The following DGKE variants were observed in gnomAD, a reference collection of about 807,000 sequenced individuals.
DGKE encodes DAG kinase epsilon.
A neutral mutation model predicts 70.0 loss-of-function variants in DGKE; 53 were observed. The observed-to-expected ratio is 0.76, with a 90% CI of 0.61 to 0.95. The LOEUF (loss-of-function observed/expected upper bound fraction) is 0.95, where lower values mean the gene tolerates loss of function less well. Ranked by LOEUF, DGKE falls within the 40% of genes least tolerant of loss-of-function variation. DGKE has a pLI of 0.00. For missense variants in DGKE, 655 were observed against 706.9 expected (o/e 0.93, Z 0.83); for synonymous variants, 291 against 257.0 (o/e 1.13, Z -1.27).
intron 2 of DGKE, among the ~76,000 whole-genome samples, chr17:56,837,033 A>G (rs949656308): frequency 1.3e-5 from 2 of 151,974 alleles, no homozygotes; most frequent in African/African-American, 4.8e-5. Flanking sequence ...GTAATATCCT[A>G]TATCTCAGTG....
intron 2 of DGKE, among the ~76,000 whole-genome samples, chr17:56,837,509 A>T (rs1906705360): frequency 6.6e-6 from 1 of 152,222 alleles, no homozygotes; most frequent in African/African-American, 2.4e-5. Context: ...GGAGATGTTT[A>T]TTATTCCCAA....
At chr17:56,849,377 G>C in intron 7 of DGKE, 145 bp downstream of exon 7, 1 of 663,152 alleles carries the variant, frequency 1.5e-6, no homozygotes, top group East Asian at 2.7e-5. Context: ...TACCTCACAA[G>C]CTGGACTGTA....
chr17:56,835,260 G>T lies in DGKE; in HGVS notation c.464+1G>T. On this transcript the variant is annotated splice_donor_variant, in intron 2 of 11. Transcript: ENST00000284061. LOFTEE classifies it high-confidence loss of function. The stretch of plus-strand genomic sequence containing the variant: ...GTCAACCCAAGCTTTGCGATTACAG[G>T]TATGGTCTTCGTGGACACTCACTGT... 1 of 1,605,326 alleles carries T rather than the reference G, an allele frequency of 6.2e-7. No individual in the cohort carries two copies. Among genetic ancestry groups the T allele is most frequent in the Non-Finnish European group, 8.5e-7 (1 of 1,176,904 alleles).
chr17:56,834,703 G>GC lies in DGKE; in HGVS notation c.-18-71dup, dbSNP rs1906452347. On this transcript the variant is annotated intron_variant, in intron 1 of 11. Coordinates refer to ENST00000284061, the MANE Select transcript of DGKE (RefSeq NM_003647.3). ...ACCTTCACTGAGGGCGCCCGGTTTG[G>GC]CCCCGGAAAGGCAGGAAGGGGGCGG... is the stretch of plus-strand genomic sequence containing the variant. 6 of 1,403,974 alleles carry GC rather than the reference G, an allele frequency of 4.3e-6. No individual in the cohort carries two copies. The East Asian group carries it at 1.4e-4, about 32-fold the overall frequency. The allele number at this position is 1,403,974 out of a possible 1,614,324, so 87.0% of individuals were successfully genotyped here.
intron 4 of DGKE, 153 bp downstream of exon 4, chr17:56,845,962 C>T: frequency 1.4e-6 from 1 of 712,966 alleles, no homozygotes. Context: ...AACAGGCACT[C>T]TTGTGGGAAT....
intron 9 of DGKE, among the ~76,000 whole-genome samples, chr17:56,858,920 A>T (rs1402100102): frequency 6.6e-6 from 1 of 152,136 alleles, no homozygotes; most frequent in Non-Finnish European, 1.5e-5. Context: ...AATTTGCCCA[A>T]ATTCTCTCAT....
chr17:56,848,140 TTTG>T (rs1907422006), intron 5 of DGKE, 75 bp downstream of exon 5: 1 of 741,604 alleles, frequency 1.3e-6, no homozygotes, highest in East Asian at 6.7e-5. Context: ...ATATATGGGT[TTTG>T]TTGTTGTTTT....
rs2144318582 is a variant in DGKE at position 56,867,859 on chromosome 17, C to G, written c.*5068C>G. ...GCAGGGAGGCGGAGCTTGCAGCGAGCCGAGATAGTGCCACTGCAGTGGGGC... is the reference window on the plus strand; with the variant it reads ...GCAGGGAGGCGGAGCTTGCAGCGAGGCGAGATAGTGCCACTGCAGTGGGGC... On this transcript the variant is annotated 3_prime_UTR_variant, in exon 12 of 12. Transcript: ENST00000284061. The G allele has an allele frequency of 6.6e-6, 1 of 151,936 alleles. No individual in the cohort carries two copies. The highest frequency in any genetic ancestry group is 1.9e-4 in the East Asian group (1 of 5,156). 9.4% of individuals were successfully genotyped at this position (151,936 alleles called of 1,614,324 possible).
In DGKE at chr17:56,834,916, AGCCTCCAGCGGTCGC is replaced by A; in HGVS notation, c.125_139del (p.Leu42_Arg46del). On this transcript the variant is annotated inframe_deletion, in exon 2 of 12. Transcript: ENST00000284061. ...GCCGGTGTTCATCACCTTCTGGTGT[AGCCTCCAGCGGTCGC>A]GCCGGCAGCTGCACCGCAGGGACAT... 1 of 1,613,628 alleles carries A rather than the reference AGCCTCCAGCGGTCGC, an allele frequency of 6.2e-7. No homozygotes were observed. Among genetic ancestry groups the A allele is most frequent in the South Asian group, 1.1e-5 (1 of 91,068 alleles).
intron 9 of DGKE, among the ~76,000 whole-genome samples, chr17:56,859,889 T>G (rs2144290516): frequency 1.3e-5 from 2 of 152,300 alleles, no homozygotes; most frequent in Middle Eastern, 6.8e-3. Context: ...AGGAGACTGA[T>G]TATACATTAG....
At position 56,862,071 on chromosome 17, in the gene DGKE, A is replaced by C. The variant is rs988887115; in HGVS notation, c.1413-69A>C. The C allele has an allele frequency of 1.9e-6, 3 of 1,574,852 alleles. No homozygotes were observed. In the African/African-American group the frequency reaches 4.1e-5, roughly 21 times the overall value. Reference sequence around the variant, plus strand: ...AGTTGATGGTCCAACTGTGTTAAAAAGTAATTGCTCTAGCATAACTGATTT... The same window carrying C: ...AGTTGATGGTCCAACTGTGTTAAAACGTAATTGCTCTAGCATAACTGATTT... On this transcript the variant is annotated intron_variant, in intron 10 of 11. Transcript: ENST00000284061.
intron 8 of DGKE, 25 bp downstream of exon 8, chr17:56,856,650 CT>C (rs552241624): frequency 6.3e-7 from 1 of 1,599,940 alleles, no homozygotes; most frequent in Non-Finnish European, 8.5e-7. Flanking sequence ...ATAACATTTC[CT>C]GCTTATCACC....
intron 5 of DGKE, 88 bp downstream of exon 5, chr17:56,848,153 T>C: frequency 2.5e-6 from 2 of 813,972 alleles, no homozygotes; most frequent in African/African-American, 1.8e-5. Flanking sequence ...GTTGTTGTTT[T>C]GTTGTTGTTG....
chr17:56,837,549 A>G (rs1312941413), intron 2 of DGKE, among the ~76,000 whole-genome samples: 1 of 152,242 alleles, frequency 6.6e-6, no homozygotes, highest in Non-Finnish European at 1.5e-5. Flanking sequence ...CTGAAGTTGT[A>G]CATATTCTAC....
chr17:56,847,903 CT>C lies in DGKE; in HGVS notation c.745-14del. ...AAAATGTTGGATAAAAATAATTTGT[CT>C]TTTTCTTTTGTTTCTAGGTTTTTGA... On this transcript the variant is annotated intron_variant, in intron 4 of 11. Transcript: ENST00000284061. The C allele has an allele frequency of 6.6e-7, 1 of 1,521,940 alleles. No individual in the cohort carries two copies. The highest frequency in any genetic ancestry group is 1.3e-5 in the South Asian group (1 of 77,178). 94.3% of individuals were successfully genotyped at this position (1,521,940 alleles called of 1,614,324 possible).
At chr17:56,848,461 T>C (rs1907445582) in intron 5 of DGKE, among the ~76,000 whole-genome samples, 1 of 152,172 alleles carries the variant, frequency 6.6e-6, no homozygotes, top group African/African-American at 2.4e-5. Flanking sequence ...CCCAACCTAA[T>C]ATAGAATATT....
chr17:56,844,044 C>A lies in DGKE; in HGVS notation c.490C>A (p.His164Asn), dbSNP rs1434704796. ...YRCIWCQKTV[H>N]DECMKNSLKN... ...GTGCATTTGGTGCCAGAAAACAGTA[C>A]ATGATGAGTGCATGAAAAATAGTTT... is the stretch of plus-strand genomic sequence containing the variant. Residue 164 changes from histidine (H) to asparagine (N), a missense_variant, in exon 3 of 12, where the codon CAT becomes AAT. His to Asn is a moderately conservative substitution (Grantham distance 68). Coordinates refer to ENST00000284061, the MANE Select transcript of DGKE (RefSeq NM_003647.3). 6.4e-7 allele frequency: 1 copy of A among 1,566,024 alleles called. No individual in the cohort carries two copies. Among genetic ancestry groups the A allele is most frequent in the South Asian group, 1.2e-5 (1 of 82,482 alleles).
intron 2 of DGKE, among the ~76,000 whole-genome samples, chr17:56,842,433 C>A (rs1907047038): frequency 6.6e-6 from 1 of 152,144 alleles, no homozygotes; most frequent in Non-Finnish European, 1.5e-5. Flanking sequence ...GGTATCCTTT[C>A]TGATTGCTTT....
rs780305981 is a variant in DGKE at position 56,868,000 on chromosome 17, C to G, written c.*5209C>G. On this transcript the variant is annotated 3_prime_UTR_variant, in exon 12 of 12. Coordinates refer to ENST00000284061, the MANE Select transcript of DGKE (RefSeq NM_003647.3). ...TCTCTCTAAGGATGCCCTGAGCTAC[C>G]TCACTGTTAAAGGACGACATCAACA... The G allele has an allele frequency of 4.6e-5, 7 of 152,188 alleles. No homozygotes were observed. Among genetic ancestry groups the G allele is most frequent in the Non-Finnish European group, 1.0e-4 (7 of 68,030 alleles). 9.4% of individuals were successfully genotyped at this position (152,188 alleles called of 1,614,324 possible).
Sources: allele counts gnomAD v4.1 joint callset (sites outside exome capture counted in the v4.1 genomes callset), GRCh38; gene constraint gnomAD v4.1.1; transcripts MANE v1.5; gene names NCBI Gene and HGNC (gene_info 2026-07-23, HGNC 2026-07-21).